UTP15: variants seen among roughly 807,000 people sequenced by gnomAD.
UTP15 encodes U3 small nucleolar RNA-associated protein 15 homolog.
A neutral mutation model predicts 59.1 loss-of-function variants in UTP15; 5 were observed. That is an observed-to-expected ratio of 0.08 (90% CI 0.04 to 0.18). The LOEUF is 0.18. Among genes scored for constraint, UTP15 ranks in the 10% least tolerant of loss-of-function variants. UTP15 has a pLI of 1.00. For synonymous variants in UTP15, 211 were observed against 212.2 expected (o/e 0.99, Z 0.05); for missense variants, 494 against 616.7 (o/e 0.80, Z 2.11).
At chr5:73,579,178 C>G in intron 11 of UTP15, 28 bp downstream of exon 11, 1 of 1,612,220 alleles carries the variant, frequency 6.2e-7, no homozygotes, top group Non-Finnish European at 8.5e-7. Context: ...GAAACACTTA[C>G]ATTTTGCATC....
rs1561273860 is a variant in UTP15 at position 73,565,806 on chromosome 5, A to G, written c.-190A>G. ...CGCCGGCTCCTTGAGGGTCCATGTGATTTTTACGCCAGTGCTGCTGAACTG... is the reference window on the plus strand; with the variant it reads ...CGCCGGCTCCTTGAGGGTCCATGTGGTTTTTACGCCAGTGCTGCTGAACTG... On this transcript the variant is annotated 5_prime_UTR_variant, in exon 1 of 13. An upstream open reading frame in the 5' UTR loses its in-frame stop. Coordinates refer to ENST00000296792, the MANE Select transcript of UTP15 (RefSeq NM_032175.4). 4.4e-6 allele frequency: 2 copies of G among 455,824 alleles called. No individual in the cohort carries two copies. Among genetic ancestry groups the G allele is most frequent in the South Asian group, 1.5e-5 (1 of 64,566 alleles). The allele number at this position is 455,824 out of a possible 1,614,324, so 28.2% of individuals were successfully genotyped here.
intron 7 of UTP15, among the ~76,000 whole-genome samples, chr5:73,576,395 C>T (rs1261650097): frequency 2.0e-5 from 3 of 152,008 alleles, no homozygotes; most frequent in Non-Finnish European, 4.4e-5. Context: ...CCTGAGCCAC[C>T]ACACCCGGCC....
chr5:73,572,365 T>C, intron 6 of UTP15, 124 bp from the exon 7 acceptor site: 2 of 1,260,464 alleles, frequency 1.6e-6, no homozygotes, highest in Non-Finnish European at 2.2e-6. Context: ...CCAGGCAGCC[T>C]GGCCTGGACT....
intron 4 of UTP15, among the ~76,000 whole-genome samples, chr5:73,568,893 A>G (rs1469583664): frequency 1.3e-5 from 2 of 152,184 alleles, no homozygotes; most frequent in Non-Finnish European, 2.9e-5. Context: ...CCCAGCTGAG[A>G]TTATGAATTA....
intron 1 of UTP15, among the ~76,000 whole-genome samples, chr5:73,566,489 A>G (rs3822452): frequency 6.6e-6 from 1 of 152,070 alleles, no homozygotes; most frequent in African/African-American, 2.4e-5. Context: ...TGGTCATTGT[A>G]TTTCATTAAA....
chr5:73,568,287 C>T lies in UTP15; in HGVS notation c.143C>T (p.Pro48Leu). 1 of 1,611,154 alleles carries T rather than the reference C, an allele frequency of 6.2e-7. No individual in the cohort carries two copies. Among genetic ancestry groups the T allele is most frequent in the Non-Finnish European group, 8.5e-7 (1 of 1,179,214 alleles). Residue 48 changes from proline to leucine, a missense_variant, in exon 3 of 13, where the codon CCT (proline) becomes CTT (leucine). By Grantham distance (98) the Pro-to-Leu change is moderately conservative. Transcript: ENST00000296792. ...GCAGTTTCAAAAGTAGACTTTTCTC[C>T]TCAGCCTCCATATAATTATGCTGTC... ...FGAVSKVDFS[P>L]QPPYNYAVTA...
At chr5:73,566,093 C>G (rs1747751028) in intron 1 of UTP15, 181 bp downstream of exon 1, 1 of 327,658 alleles carries the variant, frequency 3.1e-6, no homozygotes, top group African/African-American at 2.2e-5. Flanking sequence ...TACACCCTTT[C>G]CTGTCCACCG....
In UTP15 at chr5:73,580,456, C is replaced by T. The variant is rs1330591177; in HGVS notation, c.*362C>T. 6.2e-6 allele frequency: 1 copy of T among 162,040 alleles called. No homozygotes were observed. The highest frequency in any genetic ancestry group is 1.8e-4 in the South Asian group (1 of 5,570). The allele number at this position is 162,040 out of a possible 1,614,324, so 10.0% of individuals were successfully genotyped here. A position where few individuals can be genotyped will look rare whatever the true frequency, so the allele number is the denominator to read the frequency against. ...CTCTGGAGAGGGTCCAACTGGGAATCCTGCTAAAGGAGCAAAGCCTTGTAT... is the reference window on the plus strand; with the variant it reads ...CTCTGGAGAGGGTCCAACTGGGAATTCTGCTAAAGGAGCAAAGCCTTGTAT... On this transcript the variant is annotated 3_prime_UTR_variant, in exon 13 of 13. Transcript: ENST00000296792.
chr5:73,575,065 T>C (rs1748051414), intron 7 of UTP15, among the ~76,000 whole-genome samples: 2 of 150,302 alleles, frequency 1.3e-5, no homozygotes, highest in South Asian at 4.2e-4. Flanking sequence ...TTTAAAATTC[T>C]GTATTGTTTA....
intron 4 of UTP15, 91 bp from the exon 5 acceptor site, chr5:73,569,406 T>C: frequency 9.5e-7 from 1 of 1,057,886 alleles, no homozygotes. Flanking sequence ...GCTGCTTTTT[T>C]TTTAATCTGA....
Position 73,570,648 on chromosome 5 carries a change from G to A in UTP15, c.610G>A (p.Glu204Lys), listed in dbSNP as rs1195412349. Residue 204 changes from glutamate to lysine, a missense_variant, in exon 6 of 13, where the codon GAG (glutamate) becomes AAG (lysine). Physicochemically the swap from Glu to Lys is moderately conservative, Grantham distance 56. Coordinates refer to ENST00000296792, the MANE Select transcript of UTP15 (RefSeq NM_032175.4). Reference sequence around the variant, plus strand: ...AACGAGTGAGAGTGTTCTCTCCGTTGAGCATGGGCAGCCAGTGGAGAGTGT... The same window carrying A: ...AACGAGTGAGAGTGTTCTCTCCGTTAAGCATGGGCAGCCAGTGGAGAGTGT... ...ARTSESVLSV[E>K]HGQPVESVLL... 3.7e-6 allele frequency: 6 copies of A among 1,614,050 alleles called. No individual in the cohort carries two copies. In the African/African-American group the frequency reaches 5.3e-5, roughly 14 times the overall value.
rs1747844823 is a variant in UTP15, at chr5:73,568,452, T to C, written c.216T>C (p.Pro72=). ...TTTATGGCCGATACTCCCAAGAACC[T>C]ATAAAAACCTTTTCTCGATTTAAAG... ...IHIYGRYSQE[P]IKTFSRFKDT... The change falls in exon 4 of 13, where the codon CCT becomes CCC. Residue 72 remains proline, a synonymous_variant. Transcript: ENST00000296792. The C allele has an allele frequency of 6.2e-7, 1 of 1,613,180 alleles. No homozygotes were observed. Among genetic ancestry groups the C allele is most frequent in the South Asian group, 1.1e-5 (1 of 90,986 alleles).
chr5:73,579,692 T>C (rs981798347), intron 12 of UTP15, among the ~76,000 whole-genome samples, 185 bp from the exon 13 acceptor site: 2 of 152,122 alleles, frequency 1.3e-5, no homozygotes, highest in African/African-American at 2.4e-5. Flanking sequence ...TAATTATTAT[T>C]TTTTGAAATT....
chr5:73,579,261 T>G, intron 11 of UTP15, 56 bp from the exon 12 acceptor site: 1 of 1,592,390 alleles, frequency 6.3e-7, no homozygotes, highest in Non-Finnish European at 8.5e-7. Context: ...AAATCTGTTT[T>G]AAGGATTTTT....
intron 7 of UTP15, among the ~76,000 whole-genome samples, 188 bp from the exon 8 acceptor site, chr5:73,576,762 CGT>C (rs1561279123): frequency 6.6e-6 from 1 of 152,162 alleles, no homozygotes; most frequent in Non-Finnish European, 1.5e-5. Context: ...TGTGAGCCAC[CGT>C]GTCCGGCCTA....
At chr5:73,568,872 G>C (rs1032189717) in intron 4 of UTP15, among the ~76,000 whole-genome samples, 1 of 152,180 alleles carries the variant, frequency 6.6e-6, no homozygotes, top group Non-Finnish European at 1.5e-5. Context: ...TAACTTTAGT[G>C]GGGTCTGTGG....
chr5:73,570,567 T>G lies in UTP15; in HGVS notation c.548-19T>G. On this transcript the variant is annotated intron_variant, in intron 5 of 12. Coordinates refer to ENST00000296792, the MANE Select transcript of UTP15 (RefSeq NM_032175.4). Reference sequence around the variant, plus strand: ...TGTTTTAAACAGTCAAACTAAAAATTCAAAAATTGACATTTTAGGATCATA... The same window carrying G: ...TGTTTTAAACAGTCAAACTAAAAATGCAAAAATTGACATTTTAGGATCATA... 3 of 1,610,904 alleles carry G rather than the reference T, an allele frequency of 1.9e-6. No homozygotes were observed. The highest frequency in any genetic ancestry group is 2.5e-6 in the Non-Finnish European group (3 of 1,178,146).
intron 7 of UTP15, among the ~76,000 whole-genome samples, chr5:73,573,090 C>G (rs964607609): frequency 1.3e-5 from 2 of 152,082 alleles, no homozygotes; most frequent in African/African-American, 4.8e-5. Context: ...GCCACCACAC[C>G]CGGCCACCCA....
At position 73,567,350 on chromosome 5, in the gene UTP15, T is replaced by A. The variant is rs769365690; in HGVS notation, c.6T>A (p.Ala2=). 6.3e-7 allele frequency: 1 copy of A among 1,597,658 alleles called. No homozygotes were observed. Among genetic ancestry groups the A allele is most frequent in the African/African-American group, 1.3e-5 (1 of 74,320 alleles). Residue 2 remains alanine, a synonymous_variant, in exon 2 of 13, where the codon GCT becomes GCA. Transcript: ENST00000296792. M[A]GYKPVAIQTY... Reference sequence around the variant, plus strand: ...TAGTGCAATTATATGGAATTATGGCTGGTTATAAGCCTGTAGCTATTCAGA... The same window carrying A: ...TAGTGCAATTATATGGAATTATGGCAGGTTATAAGCCTGTAGCTATTCAGA...
Sources: gnomAD v4.1 joint callset for allele counts (sites outside exome capture counted in the v4.1 genomes callset) on GRCh38, gnomAD v4.1.1 for gene constraint, MANE v1.5 for transcripts, NCBI Gene and HGNC (gene_info 2026-07-23, HGNC 2026-07-21) for gene names.